The following ACYP2 variants were observed in gnomAD, a reference collection of about 807,000 sequenced individuals.
ACYP2 encodes acylphosphatase 2, also known as acylphosphatase-2.
ACYP2 carries 12 observed loss-of-function variants against 11.2 expected under a neutral mutation model. That is an observed-to-expected ratio of 1.08 (90% confidence interval 0.69 to 1.74). The LOEUF is 1.74. Ranked by LOEUF, ACYP2 falls within the 40% of genes most tolerant of loss-of-function variation. The pLI is 0.00. For synonymous variants in ACYP2, 43 were observed against 32.2 expected, an observed-to-expected ratio of 1.33 and a Z score of -1.13; for missense variants, 134 against 101.9, an observed-to-expected ratio of 1.31 and a Z score of -1.35.
At position 54,255,487 on chromosome 2, in the gene ACYP2, G is replaced by T. The variant is rs373884672; in HGVS notation, c.405-49201G>T. 20 of 1,613,798 alleles carry T rather than the reference G, an allele frequency of 1.2e-5. No homozygotes were observed. The South Asian group carries it at 2.0e-4, about 16-fold the overall frequency. The stretch of plus-strand genomic sequence containing the variant: ...AAACCTGCGCTCCACCTGCAGGAGC[G>T]CCCTGTCAGCCTCTGCATTCACGGA... On this transcript the variant is annotated intron_variant, in intron 6 of 6. Coordinates refer to ENST00000607452, the MANE Select transcript of ACYP2 (RefSeq NM_001320586.2).
intron 6 of ACYP2, among the ~76,000 whole-genome samples, chr2:54,228,985 T>G (rs1686120451): frequency 6.6e-6 from 1 of 152,158 alleles, no homozygotes; most frequent in South Asian, 2.1e-4. Flanking sequence ...TCTTATGTTA[T>G]CTCCCCTACT....
At chr2:54,048,992 G>A (rs1675678710) in intron 2 of ACYP2, among the ~76,000 whole-genome samples, 1 of 152,062 alleles carries the variant, frequency 6.6e-6, no homozygotes, top group Admixed American at 6.6e-5. Context: ...TAATGAGCTG[G>A]GGCCAGGTGC....
intron 4 of ACYP2, among the ~76,000 whole-genome samples, chr2:54,129,050 T>A (rs529370705): frequency 5.3e-5 from 8 of 152,140 alleles, no homozygotes; most frequent in South Asian, 4.1e-4. Context: ...CCTGGTCAAT[T>A]TGGCACCCAT....
At chr2:54,040,951 AG>A (rs1351281380) in intron 2 of ACYP2, among the ~76,000 whole-genome samples, 1 of 152,198 alleles carries the variant, frequency 6.6e-6, no homozygotes, top group East Asian at 1.9e-4. Context: ...TAGGTGGAAA[AG>A]ATCCAGGGGA....
rs547913030 is a variant in ACYP2, at chr2:54,115,684, G to T, written c.278-19769G>T. On this transcript the variant is annotated intron_variant, in intron 4 of 6. It adds an upstream start codon to the 5' untranslated region. Transcript: ENST00000607452. ...AGCCCCTCTCCGGCTCCTCAACAGAGGGCTCGCCGCCGCCATGTCTACCGC... is the reference window on the plus strand; with the variant it reads ...AGCCCCTCTCCGGCTCCTCAACAGATGGCTCGCCGCCGCCATGTCTACCGC... The T allele has an allele frequency of 6.2e-7, 1 of 1,609,690 alleles. No individual in the cohort carries two copies. The highest frequency in any genetic ancestry group is 2.2e-5 in the East Asian group (1 of 44,776).
In ACYP2 at chr2:54,255,881, T is replaced by A. The variant is rs764287639; in HGVS notation, c.405-48807T>A. On this transcript the variant is annotated intron_variant, in intron 6 of 6. Transcript: ENST00000607452. ...TCTAGGCCCTCCGCGGGTGGTGGAGTCACTTCCTGCCCCGCTTTGATGGCT... is the reference window on the plus strand; with the variant it reads ...TCTAGGCCCTCCGCGGGTGGTGGAGACACTTCCTGCCCCGCTTTGATGGCT... 2.5e-6 allele frequency: 4 copies of A among 1,613,626 alleles called. No homozygotes were observed. The Admixed American group carries it at 5.0e-5, about 20-fold the overall frequency.
intron 6 of ACYP2, among the ~76,000 whole-genome samples, chr2:54,148,482 G>C (rs991908414): frequency 2.6e-5 from 4 of 152,120 alleles, no homozygotes; most frequent in Admixed American, 6.5e-5. Context: ...ATAAATATTT[G>C]CTACTATGTT....
At chr2:54,096,992 G>A (rs1023920661) in intron 4 of ACYP2, among the ~76,000 whole-genome samples, 2 of 152,224 alleles carry the variant, frequency 1.3e-5, no homozygotes, top group African/African-American at 2.4e-5. Context: ...TTACAGGCAT[G>A]AGCCCCCACA....
At chr2:54,019,836 T>G (rs1374177157) in intron 2 of ACYP2, among the ~76,000 whole-genome samples, 1 of 151,522 alleles carries the variant, frequency 6.6e-6, no homozygotes, top group Non-Finnish European at 1.5e-5. Context: ...ATCAGGTTGG[T>G]CTCGAACTCC....
At chr2:54,042,013 T>C (rs1034665308) in intron 2 of ACYP2, among the ~76,000 whole-genome samples, 3 of 151,006 alleles carry the variant, frequency 2.0e-5, no homozygotes, top group African/African-American at 4.8e-5. Context: ...TTCTTTCTTT[T>C]TTTTTTTTTT....
At position 54,266,832 on chromosome 2, in the gene ACYP2, A is replaced by G. The variant is rs1688051975; in HGVS notation, c.405-37856A>G. Among the ~76,000 whole-genome samples the G allele has an allele frequency of 3.3e-5, 5 of 150,924 alleles. No individual in the cohort carries two copies. In the South Asian group the frequency reaches 8.4e-4, roughly 25 times the overall value. ...CACCGTGTTAGCCAGGATGTTCTCA[A>G]TCTCCTGACCTCGTGATCCGCCCGC... is the stretch of plus-strand genomic sequence containing the variant. On this transcript the variant is annotated intron_variant, in intron 6 of 6. Coordinates refer to ENST00000607452, the MANE Select transcript of ACYP2 (RefSeq NM_001320586.2).
chr2:54,065,420 G>T (rs1327570709), intron 4 of ACYP2: 1 of 398,358 alleles, frequency 2.5e-6, no homozygotes, highest in Non-Finnish European at 4.4e-6. Flanking sequence ...ACATAAACTT[G>T]TTGGAGTTGG....
rs144922083 is a variant in ACYP2, at chr2:54,017,242, T to A, written c.63-33716T>A. 4.9e-5 allele frequency among the ~76,000 whole-genome samples: 7 copies of A among 143,680 alleles called. No individual in the cohort carries two copies. The East Asian group carries it at 1.2e-3, about 24-fold the overall frequency. The allele number at this position is 143,680 out of a possible 152,430, so 94.3% of individuals were successfully genotyped here. On this transcript the variant is annotated intron_variant, in intron 2 of 6. Transcript: ENST00000607452. ...GGCCCCCTCTCTTTATACAATCATA[T>A]TGGCCGTTAAGTTTCTTTTCTTTTC...
chr2:53,978,300 T>G (rs1221254707), intron 2 of ACYP2, among the ~76,000 whole-genome samples: 1 of 151,896 alleles, frequency 6.6e-6, no homozygotes, highest in Non-Finnish European at 1.5e-5. Flanking sequence ...TCTAAAATAT[T>G]ATAGAAATTA....
intron 4 of ACYP2, among the ~76,000 whole-genome samples, chr2:54,096,580 C>T (rs6745762): frequency 0.77 from 117,243 of 151,948 alleles, 45,921 homozygotes; most frequent in East Asian, 0.92. Context: ...TCTGCAATCC[C>T]GGCACCTCGG....
intron 4 of ACYP2, among the ~76,000 whole-genome samples, chr2:54,134,434 C>T (rs890208546): frequency 1.3e-5 from 2 of 152,108 alleles, no homozygotes; most frequent in Non-Finnish European, 2.9e-5. Context: ...TGTTTTATTA[C>T]ATTTAAATTT....
chr2:54,200,727 A>G (rs1001675680), intron 6 of ACYP2, among the ~76,000 whole-genome samples: 1 of 152,148 alleles, frequency 6.6e-6, no homozygotes, highest in African/African-American at 2.4e-5. Flanking sequence ...TCATGAACAT[A>G]CTTTTGTGTG....
At chr2:54,220,871 T>C (rs1214742170) in intron 6 of ACYP2, among the ~76,000 whole-genome samples, 2 of 152,226 alleles carry the variant, frequency 1.3e-5, no homozygotes, top group African/African-American at 2.4e-5. Context: ...TGTAAAAATG[T>C]AGATGTAGAA....
intron 6 of ACYP2, among the ~76,000 whole-genome samples, chr2:54,183,917 T>A (rs1230827689): frequency 6.6e-6 from 1 of 152,226 alleles, no homozygotes; most frequent in Admixed American, 6.5e-5. Flanking sequence ...ACTTGGAGCA[T>A]GTTATAGCTA....
Sources: allele counts gnomAD v4.1 joint callset (sites outside exome capture counted in the v4.1 genomes callset), GRCh38; gene constraint gnomAD v4.1.1; transcripts MANE v1.5; gene names NCBI Gene and HGNC (gene_info 2026-07-23, HGNC 2026-07-21).